Variants in PRR5L observed in about 807,000 individuals in gnomAD.
PRR5L encodes the protein proline-rich protein 5-like.
PRR5L carries 21 observed loss-of-function variants against 36.4 expected under a neutral mutation model. That is an observed-to-expected ratio of 0.58 (90% CI 0.41 to 0.83). The LOEUF (loss-of-function observed/expected upper bound fraction) is 0.83, where lower values mean the gene tolerates loss of function less well. PRR5L is among the 40% of genes least tolerant of loss of function. PRR5L has a pLI of 0.00. For missense variants in PRR5L, 381 were observed against 473.3 expected, an observed-to-expected ratio of 0.80 and a Z score of 1.81; for synonymous variants, 188 against 197.0, an observed-to-expected ratio of 0.95 and a Z score of 0.38.
At chr11:36,317,321 A>G (rs1381879852) in intron 1 of PRR5L, among the ~76,000 whole-genome samples, 1 of 152,220 alleles carries the variant, frequency 6.6e-6, no homozygotes, top group Non-Finnish European at 1.5e-5. Context: ...ATCTTGGGCA[A>G]GTTATTCTGC....
intron 1 of PRR5L, among the ~76,000 whole-genome samples, chr11:36,378,984 C>T (rs1007878569): frequency 3.3e-5 from 5 of 152,168 alleles, no homozygotes; most frequent in African/African-American, 1.2e-4. Flanking sequence ...GATTAGCTCA[C>T]GTTATAGTTG....
intron 1 of PRR5L, chr11:36,321,292 A>T (rs1856611520): frequency 6.6e-6 from 1 of 152,202 alleles, no homozygotes; most frequent in South Asian, 2.1e-4. Flanking sequence ...ATATAGTCTC[A>T]ACTCATGATC....
chr11:36,456,130 C>T (rs553128771), intron 8 of PRR5L, among the ~76,000 whole-genome samples: 15 of 152,320 alleles, frequency 9.8e-5, no homozygotes, highest in Admixed American at 7.2e-4. Flanking sequence ...CACAGAGGCC[C>T]TGTCCTTCCA....
chr11:36,319,559 AC>A (rs1397645288), intron 1 of PRR5L, among the ~76,000 whole-genome samples: 2 of 152,228 alleles, frequency 1.3e-5, no homozygotes, highest in Admixed American at 1.3e-4. Context: ...CATGGGTGAT[AC>A]ATAAACCAAT....
intron 3 of PRR5L, among the ~76,000 whole-genome samples, chr11:36,410,435 C>T (rs1857999932): frequency 1.3e-5 from 2 of 152,168 alleles, no homozygotes; most frequent in African/African-American, 4.8e-5. Context: ...GGGGGTACCA[C>T]TGCCTGATTA....
intron 1 of PRR5L, among the ~76,000 whole-genome samples, chr11:36,371,968 C>T (rs1163519495): frequency 6.6e-6 from 1 of 152,076 alleles, no homozygotes; most frequent in Non-Finnish European, 1.5e-5. Flanking sequence ...TGAGGCAGGA[C>T]AGTCACTTGA....
chr11:36,366,384 T>G (rs1857143720), intron 1 of PRR5L, among the ~76,000 whole-genome samples: 1 of 145,534 alleles, frequency 6.9e-6, no homozygotes, highest in African/African-American at 2.5e-5. Flanking sequence ...TTTTTGTTTT[T>G]ATCAATTCCA....
At chr11:36,347,014 A>C (rs988506824) in intron 1 of PRR5L, among the ~76,000 whole-genome samples, 1 of 152,250 alleles carries the variant, frequency 6.6e-6, no homozygotes, top group African/African-American at 2.4e-5. Flanking sequence ...GATTTTGTCT[A>C]CCAGTCATGG....
chr11:36,408,194 C>A (rs569157756), intron 3 of PRR5L, among the ~76,000 whole-genome samples: 132 of 151,946 alleles, frequency 8.7e-4, no homozygotes, highest in Middle Eastern at 3.4e-3. Context: ...GCAGGAGAAT[C>A]GCTTGAACCT....
chr11:36,324,275 C>A (rs1430079756), intron 1 of PRR5L, among the ~76,000 whole-genome samples: 1 of 152,068 alleles, frequency 6.6e-6, no homozygotes, highest in Admixed American at 6.5e-5. Context: ...GTGCTGTGTT[C>A]CAGAAGCCAG....
At chr11:36,315,326 TTA>T (rs1273926165) in intron 1 of PRR5L, among the ~76,000 whole-genome samples, 1 of 152,254 alleles carries the variant, frequency 6.6e-6, no homozygotes, top group Non-Finnish European at 1.5e-5. Flanking sequence ...AATTGAACTA[TTA>T]GGATAAGAAA....
At chr11:36,431,376 T>C (rs1858489324) in intron 4 of PRR5L, among the ~76,000 whole-genome samples, 1 of 152,242 alleles carries the variant, frequency 6.6e-6, no homozygotes, top group Non-Finnish European at 1.5e-5. Context: ...CACACATTCA[T>C]TGACAGATGC....
chr11:36,461,920 A>G (rs554795335), intron 8 of PRR5L, among the ~76,000 whole-genome samples: 38 of 152,218 alleles, frequency 2.5e-4, no homozygotes, highest in Middle Eastern at 3.4e-3. Context: ...AGACTCTTTT[A>G]TATCACCTGT....
At chr11:36,394,419 T>C (rs1857617330) in intron 1 of PRR5L, 1 of 152,234 alleles carries the variant, frequency 6.6e-6, no homozygotes, top group African/African-American at 2.4e-5. Context: ...AGCTCAGAGA[T>C]GTCCAAGGTC....
At chr11:36,379,065 A>G (rs1026729121) in intron 1 of PRR5L, among the ~76,000 whole-genome samples, 1 of 152,190 alleles carries the variant, frequency 6.6e-6, no homozygotes, top group African/African-American at 2.4e-5. Flanking sequence ...GTTATTGGGG[A>G]AAAAAGCCCT....
chr11:36,410,862 G>A (rs529934101), intron 3 of PRR5L, among the ~76,000 whole-genome samples: 3 of 152,326 alleles, frequency 2.0e-5, no homozygotes, highest in African/African-American at 4.8e-5. Flanking sequence ...GCATTCAGCA[G>A]TCAGGCTAGA....
intron 3 of PRR5L, among the ~76,000 whole-genome samples, chr11:36,405,764 A>G (rs2133564010): frequency 6.6e-6 from 1 of 152,316 alleles, no homozygotes; most frequent in South Asian, 2.1e-4. Context: ...GAAGTCCAAG[A>G]TCAAGGTGCC....
intron 4 of PRR5L, 134 bp downstream of exon 4, chr11:36,419,437 C>A: frequency 1.3e-6 from 1 of 781,968 alleles, no homozygotes; most frequent in Non-Finnish European, 2.3e-6. Context: ...CTGCTGTGTG[C>A]TGCACGTTGC....
chr11:36,367,715 T>C (rs1395540555), intron 1 of PRR5L, among the ~76,000 whole-genome samples: 2 of 150,282 alleles, frequency 1.3e-5, no homozygotes, highest in African/African-American at 4.9e-5. Flanking sequence ...CAAGCCAGGC[T>C]TCATGGGAGC....
Sources: gnomAD v4.1 joint callset for allele counts (sites outside exome capture counted in the v4.1 genomes callset) on GRCh38, gnomAD v4.1.1 for gene constraint, MANE v1.5 for transcripts, NCBI Gene and HGNC (gene_info 2026-07-23, HGNC 2026-07-21) for gene names.